UVRAG: variants seen among roughly 807,000 people sequenced by gnomAD.
The protein encoded by UVRAG is UV radiation resistance-associated gene protein.
UVRAG carries 19 observed loss-of-function variants against 78.0 expected under a neutral mutation model. That is an observed-to-expected ratio of 0.24 (90% confidence interval 0.17 to 0.36). The LOEUF is 0.36. UVRAG is among the 10% of genes least tolerant of loss of function. The pLI, the probability that UVRAG is intolerant of heterozygous loss-of-function variation, is 1.00. For synonymous variants in UVRAG, 323 were observed against 324.6 expected (o/e 1.00, Z 0.05); for missense variants, 740 against 853.8 (o/e 0.87, Z 1.66).
rs1256334316 is a variant in UVRAG at position 76,142,163 on chromosome 11, A to G, written c.*750A>G. 6.6e-6 allele frequency: 1 copy of G among 152,226 alleles called. No homozygotes were observed. The highest frequency in any genetic ancestry group is 2.4e-5 in the African/African-American group (1 of 41,450). 9.4% of individuals were successfully genotyped at this position (152,226 alleles called of 1,614,324 possible). A position where few individuals can be genotyped will look rare whatever the true frequency, so the allele number is the denominator to read the frequency against. ...AAAAACTTGCTCCTGGTGGATCCCA[A>G]GGGACCCTCAAGGACCTCGAGGTTA... On this transcript the variant is annotated 3_prime_UTR_variant, in exon 15 of 15. Coordinates refer to ENST00000356136, the MANE Select transcript of UVRAG (RefSeq NM_003369.4).
intron 13 of UVRAG, among the ~76,000 whole-genome samples, chr11:76,076,197 A>T (rs1445578876): frequency 6.6e-6 from 1 of 152,204 alleles, no homozygotes; most frequent in South Asian, 2.1e-4. Context: ...ACCATTTTAC[A>T]TTCCCACTAC....
chr11:75,837,479 T>C (rs1045352920), intron 1 of UVRAG: 5 of 152,072 alleles, frequency 3.3e-5, no homozygotes, highest in African/African-American at 1.2e-4. Flanking sequence ...GCTATGTAAA[T>C]AGTTGTTACG....
Position 75,851,902 on chromosome 11 carries a change from G to A in UVRAG, c.137G>A (p.Arg46Gln). Reference sequence around the variant, plus strand: ...TTTCAGCGGCGTCTTCGACATCTTCGGAACATTGCTGCCCGGAACATTGTT... The same window carrying A: ...TTTCAGCGGCGTCTTCGACATCTTCAGAACATTGCTGCCCGGAACATTGTT... ...PSQQRRLRHL[R>Q]NIAARNIVNR... Residue 46 changes from arginine to glutamine, a missense_variant, in exon 2 of 15, where the codon CGG becomes CAG. Transcript: ENST00000356136. 2.5e-6 allele frequency: 4 copies of A among 1,611,654 alleles called. No homozygotes were observed. The highest frequency in any genetic ancestry group is 3.4e-6 in the Non-Finnish European group (4 of 1,179,442).
chr11:76,110,219 T>C (rs1394877485), intron 13 of UVRAG, among the ~76,000 whole-genome samples: 1 of 150,034 alleles, frequency 6.7e-6, no homozygotes, highest in African/African-American at 2.5e-5. Flanking sequence ...TACATATATA[T>C]ATATATATAT....
intron 13 of UVRAG, among the ~76,000 whole-genome samples, chr11:76,099,946 T>C (rs1017741613): frequency 6.6e-6 from 1 of 152,138 alleles, no homozygotes; most frequent in Non-Finnish European, 1.5e-5. Context: ...TTTTCTTACC[T>C]AATTAGTATT....
chr11:76,016,839 T>A lies in UVRAG; in HGVS notation c.1085T>A (p.Val362Asp). 1 of 1,602,902 alleles carries A rather than the reference T, an allele frequency of 6.2e-7. No individual in the cohort carries two copies. Residue 362 changes from valine (V) to aspartate (D), a missense_variant, in exon 12 of 15, where the codon GTT becomes GAT. Transcript: ENST00000356136. Reference sequence around the variant, plus strand: ...GCAAAAGATGATGGAAGCATTGCTGTTGCCCTTGGTTATACTGCACATCTG... The same window carrying A: ...GCAAAAGATGATGGAAGCATTGCTGATGCCCTTGGTTATACTGCACATCTG... The part of the protein sequence containing the change: ...FQAKDDGSIA[V>D]ALGYTAHLVS...
At chr11:76,010,723 G>A (rs1299756741) in intron 11 of UVRAG, among the ~76,000 whole-genome samples, 1 of 152,146 alleles carries the variant, frequency 6.6e-6, no homozygotes, top group Non-Finnish European at 1.5e-5. Flanking sequence ...CATATAGGAG[G>A]TACTCAATAA....
chr11:75,920,008 GTTTTTTTTTTT>G (rs140217190), intron 6 of UVRAG, among the ~76,000 whole-genome samples: 384 of 55,482 alleles, frequency 6.9e-3, no homozygotes, highest in African/African-American at 0.011. Flanking sequence ...AATAATTTTG[GTTTTTTTTTTT>G]TTTTTTTTTT....
At chr11:75,854,878 A>G (rs1426294719) in intron 2 of UVRAG, among the ~76,000 whole-genome samples, 2 of 152,208 alleles carry the variant, frequency 1.3e-5, no homozygotes, top group Non-Finnish European at 2.9e-5. Context: ...TTATATCACT[A>G]GCAATGTATG....
At chr11:75,877,586 G>A (rs1352500159) in intron 3 of UVRAG, among the ~76,000 whole-genome samples, 4 of 146,098 alleles carry the variant, frequency 2.7e-5, no homozygotes, top group East Asian at 4.2e-4. Context: ...CCTCCCGTAC[G>A]GGTCGGCTGG....
At chr11:75,847,853 C>G (rs1428250902) in intron 1 of UVRAG, among the ~76,000 whole-genome samples, 1 of 151,744 alleles carries the variant, frequency 6.6e-6, no homozygotes, top group Non-Finnish European at 1.5e-5. Flanking sequence ...CGCCTACAGT[C>G]CCAGCTACTC....
chr11:75,843,957 TA>T lies in UVRAG; in HGVS notation c.118-7907del, dbSNP rs557175299. 6.7e-3 allele frequency among the ~76,000 whole-genome samples: 766 copies of T among 114,990 alleles called. 2 individuals carry two copies. The highest frequency in any genetic ancestry group is 0.032 in the South Asian group (113 of 3,574). The allele number at this position is 114,990 out of a possible 152,430, so 75.4% of individuals were successfully genotyped here. A position where few individuals can be genotyped will look rare whatever the true frequency, so the allele number is the denominator to read the frequency against. ...CTGGGTGACAGAGCAAGACGCCATC[TA>T]AAAAAAAAAAAAAAAAAAGAACTCT... On this transcript the variant is annotated intron_variant, in intron 1 of 14. Coordinates refer to ENST00000356136, the MANE Select transcript of UVRAG (RefSeq NM_003369.4).
chr11:75,832,284 G>A (rs936522548), intron 1 of UVRAG, among the ~76,000 whole-genome samples: 50 of 152,258 alleles, frequency 3.3e-4, no homozygotes, highest in African/African-American at 1.1e-3. Flanking sequence ...AGTCCCACAA[G>A]GCTGCTCCCA....
At chr11:76,040,672 C>G (rs1310427475) in intron 12 of UVRAG, among the ~76,000 whole-genome samples, 1 of 152,038 alleles carries the variant, frequency 6.6e-6, no homozygotes, top group Non-Finnish European at 1.5e-5. Flanking sequence ...TCTCGTGCCT[C>G]AGCCTCCCGA....
At chr11:75,997,844 A>G (rs942207498) in intron 8 of UVRAG, among the ~76,000 whole-genome samples, 6 of 152,200 alleles carry the variant, frequency 3.9e-5, no homozygotes, top group African/African-American at 1.4e-4. Context: ...AATCAGGGTA[A>G]TTGAGCCTGT....
intron 7 of UVRAG, among the ~76,000 whole-genome samples, chr11:75,982,875 A>G (rs1949420543): frequency 6.6e-6 from 1 of 152,336 alleles, no homozygotes; most frequent in East Asian, 1.9e-4. Context: ...ATTTGATTGT[A>G]TGGATAGGCC....
intron 2 of UVRAG, among the ~76,000 whole-genome samples, chr11:75,853,336 G>A (rs1358591626): frequency 6.6e-6 from 1 of 152,104 alleles, no homozygotes; most frequent in Admixed American, 6.5e-5. Flanking sequence ...CCCCTTCAGA[G>A]TAAATAGCCT....
At chr11:76,121,434 C>G in intron 14 of UVRAG, among the ~76,000 whole-genome samples, 1 of 152,192 alleles carries the variant, frequency 6.6e-6, no homozygotes, top group East Asian at 1.9e-4. Flanking sequence ...ATTTAAACAT[C>G]CTAGTTTTCT....
intron 6 of UVRAG, among the ~76,000 whole-genome samples, chr11:75,949,692 C>CAATAAA (rs1948647415): frequency 2.1e-5 from 3 of 140,166 alleles, no homozygotes; most frequent in African/African-American, 7.8e-5. Context: ...CAATAAAATA[C>CAATAAA]ATATATATAT....
Sources: allele counts gnomAD v4.1 joint callset (sites outside exome capture counted in the v4.1 genomes callset), GRCh38; gene constraint gnomAD v4.1.1; transcripts MANE v1.5; gene names NCBI Gene and HGNC (gene_info 2026-07-23, HGNC 2026-07-21).